C8A: variants seen among roughly 807,000 people sequenced by gnomAD.
C8A encodes the protein complement C8 alpha chain.
Under a neutral mutation model 65.3 loss-of-function variants are expected in C8A, and 67 were observed. The ratio of observed to expected loss-of-function variants is 1.03; its 90% CI spans 0.84 to 1.26. C8A has a LOEUF of 1.26. Ranked by LOEUF, C8A falls within the 50% of genes most tolerant of loss-of-function variation. The pLI, the probability that C8A is intolerant of heterozygous loss-of-function variation, is 0.00. For missense variants in C8A, 781 were observed against 723.9 expected (o/e 1.08, Z -0.90); for synonymous variants, 290 against 259.4 (o/e 1.12, Z -1.13).
At chr1:56,869,072 T>A (rs1158303662) in intron 2 of C8A, among the ~76,000 whole-genome samples, 3 of 152,192 alleles carry the variant, frequency 2.0e-5, no homozygotes, top group Non-Finnish European at 2.9e-5. Context: ...TTTGGTTACA[T>A]GGATAAGTTC....
chr1:56,865,848 C>G (rs547562251), intron 1 of C8A, among the ~76,000 whole-genome samples: 1 of 152,286 alleles, frequency 6.6e-6, no homozygotes, highest in South Asian at 2.1e-4. Flanking sequence ...AGATATTATA[C>G]AGTGAAATGC....
At chr1:56,871,440 C>T (rs949695208) in intron 2 of C8A, among the ~76,000 whole-genome samples, 3 of 152,184 alleles carry the variant, frequency 2.0e-5, no homozygotes, top group African/African-American at 7.2e-5. Context: ...ATGATGATGA[C>T]ATTGATAACT....
chr1:56,916,096 T>G (rs777331416), intron 10 of C8A, among the ~76,000 whole-genome samples: 1 of 152,138 alleles, frequency 6.6e-6, no homozygotes, highest in Non-Finnish European at 1.5e-5. Context: ...CATGGTCCAG[T>G]GCCAGGCTCA....
At chr1:56,855,203 TTC>T (rs1483380748) in intron 1 of C8A, among the ~76,000 whole-genome samples, 4 of 152,224 alleles carry the variant, frequency 2.6e-5, no homozygotes, top group Non-Finnish European at 5.9e-5. Flanking sequence ...AGCTGAATAA[TTC>T]AGGGTAAATC....
intron 7 of C8A, among the ~76,000 whole-genome samples, chr1:56,895,760 GA>G (rs780387230): frequency 1.3e-5 from 2 of 151,964 alleles, no homozygotes; most frequent in Non-Finnish European, 2.9e-5. Flanking sequence ...GCAACATAGG[GA>G]GACCATATCT....
In C8A at chr1:56,885,456, TTCCG is replaced by T. The variant is rs1452014179; in HGVS notation, c.856-469_856-466del. On this transcript the variant is annotated intron_variant, in intron 6 of 10. Coordinates refer to ENST00000361249, the MANE Select transcript of C8A (RefSeq NM_000562.3). ...TATATTTAAGTAAATATATATATAT[TTCCG>T]TAAATATATATTTATTTAAATATAT... 2.4e-4 allele frequency among the ~76,000 whole-genome samples: 23 copies of T among 95,282 alleles called. 1 individual carries two copies. The highest frequency in any genetic ancestry group is 1.2e-3 in the South Asian group (4 of 3,250). 62.5% of individuals were successfully genotyped at this position (95,282 alleles called of 152,430 possible).
chr1:56,869,079 G>C (rs994811699), intron 2 of C8A, among the ~76,000 whole-genome samples: 4 of 152,096 alleles, frequency 2.6e-5, no homozygotes, highest in African/African-American at 9.7e-5. Context: ...ACATGGATAA[G>C]TTCTTTCGTG....
intron 2 of C8A, 96 bp downstream of exon 2, chr1:56,867,798 T>C (rs1320295520): frequency 1.1e-6 from 1 of 893,282 alleles, no homozygotes; most frequent in Admixed American, 1.9e-5. Context: ...TCTAGGGGCC[T>C]GGGGAGAAAT....
chr1:56,869,434 G>T (rs1388013449), intron 2 of C8A, among the ~76,000 whole-genome samples: 1 of 152,138 alleles, frequency 6.6e-6, no homozygotes. Context: ...TGGGCATTTG[G>T]GTTGTTTCCA....
At chr1:56,876,327 G>A in intron 4 of C8A, 118 bp downstream of exon 4, 3 of 1,198,612 alleles carry the variant, frequency 2.5e-6, no homozygotes, top group Non-Finnish European at 3.7e-6. Flanking sequence ...TGCATGCTGT[G>A]AGCTGCTCTC....
At chr1:56,879,087 C>T (rs1049963221) in intron 4 of C8A, among the ~76,000 whole-genome samples, 1 of 152,136 alleles carries the variant, frequency 6.6e-6, no homozygotes, top group Non-Finnish European at 1.5e-5. Context: ...TATTGAAATA[C>T]AGCTTTTACC....
rs139740733 is a variant in C8A, at chr1:56,883,488, C to T, written c.662C>T (p.Ala221Val). The T allele has an allele frequency of 5.9e-5, 95 of 1,612,366 alleles. No homozygotes were observed. The highest frequency in any genetic ancestry group is 2.3e-4 in the Admixed American group (14 of 59,898). Residue 221 changes from alanine (A) to valine (V), a missense_variant, in exon 6 of 11, where the codon GCA becomes GTA. Coordinates refer to ENST00000361249, the MANE Select transcript of C8A (RefSeq NM_000562.3). Reference sequence around the variant, plus strand: ...TATCCTTTTTTTTTTCAGGCCCTGGCAGATACTGGAATCTCCTCAGAGTTT... The same window carrying T: ...TATCCTTTTTTTTTTCAGGCCCTGGTAGATACTGGAATCTCCTCAGAGTTT... ...NFLKYHFEAL[A>V]DTGISSEFYD... is the part of the protein sequence containing the mutation.
intron 1 of C8A, among the ~76,000 whole-genome samples, chr1:56,866,928 A>G (rs1204945563): frequency 2.0e-5 from 3 of 152,188 alleles, no homozygotes; most frequent in Non-Finnish European, 4.4e-5. Flanking sequence ...CCATCAAACC[A>G]ACTAGTTCCA....
chr1:56,916,943 T>C (rs1178576133), intron 10 of C8A, among the ~76,000 whole-genome samples: 4 of 152,176 alleles, frequency 2.6e-5, no homozygotes, highest in Non-Finnish European at 5.9e-5. Context: ...CAGATCCTCA[T>C]ACAAAAGCTT....
chr1:56,894,717 T>C (rs1030803267), intron 7 of C8A, among the ~76,000 whole-genome samples: 15 of 152,110 alleles, frequency 9.9e-5, no homozygotes, highest in African/African-American at 3.4e-4. Context: ...CTCTAGCCTT[T>C]CCCTCGACAA....
intron 4 of C8A, among the ~76,000 whole-genome samples, 198 bp downstream of exon 4, chr1:56,876,407 G>C (rs1032882915): frequency 2.6e-5 from 4 of 151,504 alleles, no homozygotes; most frequent in Non-Finnish European, 4.4e-5. Context: ...TCATGTCTCT[G>C]CTTGAGAGTT....
chr1:56,904,165 G>A (rs115359273), intron 7 of C8A, among the ~76,000 whole-genome samples: 129 of 152,166 alleles, frequency 8.5e-4, no homozygotes, highest in African/African-American at 2.0e-3. Context: ...CTGGTTCTGC[G>A]TCCTGGCTTC....
In C8A at chr1:56,909,723, C is replaced by A. The variant is rs558413691; in HGVS notation, c.1380+1610C>A. Reference sequence around the variant, plus strand: ...CATAATTTAGGTCATAGCTCAGCTGCTTTTTCAATGTGTGACCTTTGACAA... The same window carrying A: ...CATAATTTAGGTCATAGCTCAGCTGATTTTTCAATGTGTGACCTTTGACAA... On this transcript the variant is annotated intron_variant, in intron 9 of 10. Transcript: ENST00000361249. 2.1e-3 allele frequency among the ~76,000 whole-genome samples: 327 copies of A among 152,270 alleles called. 16 individuals carry two copies. The South Asian group carries it at 0.063, about 29-fold the overall frequency.
intron 9 of C8A, 54 bp from the exon 10 acceptor site, chr1:56,912,349 T>C: frequency 6.4e-7 from 1 of 1,564,008 alleles, no homozygotes. Context: ...TCTTGGGCTC[T>C]GGGAAGGTAG....
Sources: allele counts gnomAD v4.1 joint callset (sites outside exome capture counted in the v4.1 genomes callset), GRCh38; gene constraint gnomAD v4.1.1; transcripts MANE v1.5; gene names NCBI Gene and HGNC (gene_info 2026-07-23, HGNC 2026-07-21).